MDN1: variants seen among roughly 807,000 people sequenced by gnomAD.
MDN1 encodes the protein midasin.
Under a neutral mutation model 669.2 loss-of-function variants are expected in MDN1, and 266 were observed. The ratio of observed to expected loss-of-function variants is 0.40; its 90% CI spans 0.36 to 0.44. The LOEUF (loss-of-function observed/expected upper bound fraction) is 0.44, where lower values mean the gene tolerates loss of function less well. MDN1 is among the 20% of genes least tolerant of loss of function. The probability of loss-of-function intolerance (pLI) is 1.00; values close to 1 mark genes in which losing one functional copy is unlikely to be tolerated. For synonymous variants in MDN1, 2,385 were observed against 2,457.1 expected, an observed-to-expected ratio of 0.97 and a Z score of 0.87; for missense variants, 5,940 against 6,754.0, an observed-to-expected ratio of 0.88 and a Z score of 4.22.
chr6:89,679,118 T>C (rs1441826657), intron 74 of MDN1, among the ~76,000 whole-genome samples: 2 of 152,196 alleles, frequency 1.3e-5, no homozygotes, highest in Non-Finnish European at 2.9e-5. Flanking sequence ...TTGAAGGAAA[T>C]TTCAGATTAA....
Position 89,714,793 on chromosome 6 carries a change from C to T in MDN1, c.6861-42G>A, listed in dbSNP as rs778476841. 12 of 1,525,330 alleles carry T rather than the reference C, an allele frequency of 7.9e-6. No individual in the cohort carries two copies. In the East Asian group the frequency reaches 2.5e-4, roughly 32 times the overall value. The allele number at this position is 1,525,330 out of a possible 1,614,324, so 94.5% of individuals were successfully genotyped here. Reference sequence around the variant, plus strand: ...TCAAAGAAAAAAATGATTTTAAATCCCAGTGCAACCAAAGGTGTAGCTCAG... The same window carrying T: ...TCAAAGAAAAAAATGATTTTAAATCTCAGTGCAACCAAAGGTGTAGCTCAG... On this transcript the variant is annotated intron_variant, in intron 45 of 101. Coordinates refer to ENST00000369393, the MANE Select transcript of MDN1 (RefSeq NM_014611.3).
At chr6:89,746,036 A>G (rs1268257442) in intron 27 of MDN1, among the ~76,000 whole-genome samples, 1 of 152,242 alleles carries the variant, frequency 6.6e-6, no homozygotes, top group Non-Finnish European at 1.5e-5. Context: ...TGAATCTCAC[A>G]TCAGGTTTAG....
intron 82 of MDN1, among the ~76,000 whole-genome samples, chr6:89,671,541 G>T (rs1052528277): frequency 3.3e-5 from 5 of 152,048 alleles, no homozygotes; most frequent in Admixed American, 6.6e-5. Context: ...AAAATTAGCT[G>T]GGCATGGTGG....
chr6:89,699,098 C>T, intron 58 of MDN1, 63 bp from the exon 59 acceptor site: 1 of 1,394,086 alleles, frequency 7.2e-7, no homozygotes, highest in South Asian at 1.3e-5. Context: ...ATTATTAGGT[C>T]TTCTTTCTTC....
intron 92 of MDN1, among the ~76,000 whole-genome samples, chr6:89,655,456 T>A (rs1320568048): frequency 6.6e-6 from 1 of 152,178 alleles, no homozygotes; most frequent in Non-Finnish European, 1.5e-5. Flanking sequence ...TTAAGGATAT[T>A]TAAAGAGTTT....
chr6:89,676,118 A>G lies in MDN1; in HGVS notation c.12629T>C (p.Leu4210Pro). 6.2e-7 allele frequency: 1 copy of G among 1,614,166 alleles called. No individual in the cohort carries two copies. ...TCATTCTACCTTGGCAGGAGTTGCT[A>G]GTGCTGCGTTAAGCCTGGCATGCCG... ...LARHARLNAA[L>P]ATPAKEMGMG... Residue 4210 changes from leucine (L) to proline (P), a missense_variant, in exon 77 of 102, where the codon CTA becomes CCA. By Grantham distance (98) the Leu-to-Pro change is moderately conservative (BLOSUM62 -3). Around this residue, in one of 5 missense-constraint regions of MDN1, gnomAD observed 2,280 missense variants for 2,576.3 expected, o/e 0.88. Coordinates refer to ENST00000369393, the MANE Select transcript of MDN1 (RefSeq NM_014611.3).
intron 2 of MDN1, among the ~76,000 whole-genome samples, chr6:89,796,341 AAAAAAAAAAC>A (rs541733107): frequency 1.1e-4 from 12 of 110,228 alleles, no homozygotes; most frequent in South Asian, 5.4e-4. Flanking sequence ...AAAAAAAAAA[AAAAAAAAAAC>A]AAAAAAAAAA....
intron 82 of MDN1, among the ~76,000 whole-genome samples, chr6:89,671,430 T>C (rs1584142393): frequency 6.6e-6 from 1 of 151,240 alleles, no homozygotes; most frequent in Non-Finnish European, 1.5e-5. Context: ...AGCCCAGGAG[T>C]TCAAGTTCAT....
intron 9 of MDN1, among the ~76,000 whole-genome samples, chr6:89,782,006 T>C (rs1179535729): frequency 6.6e-6 from 1 of 151,880 alleles, no homozygotes; most frequent in Non-Finnish European, 1.5e-5. Flanking sequence ...AAAATAAAAA[T>C]GAAAAGAAAT....
chr6:89,667,957 A>G, intron 84 of MDN1, 57 bp downstream of exon 84: 1 of 1,591,412 alleles, frequency 6.3e-7, no homozygotes, highest in Non-Finnish European at 8.6e-7. Flanking sequence ...TGTAACTTAC[A>G]TGTTGAAAAG....
intron 93 of MDN1, among the ~76,000 whole-genome samples, 189 bp downstream of exon 93, chr6:89,653,975 C>T (rs1809067406): frequency 6.6e-6 from 1 of 152,216 alleles, no homozygotes; most frequent in South Asian, 2.1e-4. Context: ...TGTCCTGCAA[C>T]ACCCACCGCT....
At position 89,725,740 on chromosome 6, in the gene MDN1, C is replaced by CTTT. The variant is rs11371433; in HGVS notation, c.5473-347_5473-345dup. On this transcript the variant is annotated intron_variant, in intron 37 of 101. Coordinates refer to ENST00000369393, the MANE Select transcript of MDN1 (RefSeq NM_014611.3). The stretch of plus-strand genomic sequence containing the variant: ...TGTGCACCACCACATCCAGCTAATT[C>CTTT]TTTTTTTTTTTTTTTTGGTAGAGCC... Among the ~76,000 whole-genome samples the CTTT allele has an allele frequency of 2.9e-4, 40 of 137,230 alleles. 1 individual carries two copies. The highest frequency in any genetic ancestry group is 1.9e-3 in the South Asian group (8 of 4,298). 90.0% of individuals were successfully genotyped at this position (137,230 alleles called of 152,430 possible). A position where few individuals can be genotyped will look rare whatever the true frequency, so the allele number is the denominator to read the frequency against.
chr6:89,711,392 CG>C (rs1813905340), intron 49 of MDN1, among the ~76,000 whole-genome samples: 1 of 151,956 alleles, frequency 6.6e-6, no homozygotes, highest in South Asian at 2.1e-4. Flanking sequence ...TTTAAAACAA[CG>C]TACTACAACA....
At chr6:89,677,252 C>T (rs949822116) in intron 76 of MDN1, among the ~76,000 whole-genome samples, 2 of 152,062 alleles carry the variant, frequency 1.3e-5, no homozygotes, top group African/African-American at 4.8e-5. Context: ...GCCACCATGC[C>T]TGGCTAATAT....
At chr6:89,674,655 T>A in intron 78 of MDN1, 66 bp from the exon 79 acceptor site, 1 of 1,486,432 alleles carries the variant, frequency 6.7e-7, no homozygotes, top group Non-Finnish European at 8.9e-7. Flanking sequence ...CCACATTGTT[T>A]TAAAAGAAAT....
At position 89,674,267 on chromosome 6, in the gene MDN1, T is replaced by G. The variant is rs1811031399; in HGVS notation, c.13084A>C (p.Ile4362Leu). The G allele has an allele frequency of 6.2e-7, 1 of 1,614,126 alleles. No homozygotes were observed. The highest frequency in any genetic ancestry group is 1.3e-5 in the African/African-American group (1 of 74,938). The part of the protein sequence containing the change: ...IPSNLSYPSP[I>L]PGSQLPSGCR... Reference sequence around the variant, plus strand: ...CCAGAGGGCAGCTGACTTCCAGGTATTGGAGATGGGTAGCTCAGATTGGAA... The same window carrying G: ...CCAGAGGGCAGCTGACTTCCAGGTAGTGGAGATGGGTAGCTCAGATTGGAA... Residue 4362 changes from isoleucine (I) to leucine (L), a missense_variant, in exon 79 of 102, where the codon ATA (isoleucine) becomes CTA (leucine). Physicochemically the swap from Ile to Leu is conservative, Grantham distance 5. This residue lies in a region of MDN1 where 2,280 missense variants were observed against 2,576.3 expected (regional missense o/e 0.88). Transcript: ENST00000369393.
chr6:89,769,114 T>A (rs781216150), intron 15 of MDN1, among the ~76,000 whole-genome samples: 1 of 151,644 alleles, frequency 6.6e-6, no homozygotes, highest in Non-Finnish European at 1.5e-5. Flanking sequence ...ACTGGACACA[T>A]GCAAAATATA....
intron 84 of MDN1, among the ~76,000 whole-genome samples, chr6:89,665,405 G>A (rs1810119861): frequency 6.6e-6 from 1 of 151,826 alleles, no homozygotes; most frequent in African/African-American, 2.4e-5. Context: ...CATTATGGTT[G>A]ATTTTTGAAA....
At chr6:89,738,208 C>T (rs1816099054) in intron 33 of MDN1, 118 bp downstream of exon 33, 1 of 1,203,866 alleles carries the variant, frequency 8.3e-7, no homozygotes, top group African/African-American at 1.5e-5. Context: ...TACCTATCTC[C>T]TTTCTTCTTA....
Sources: gnomAD v4.1 joint callset for allele counts (sites outside exome capture counted in the v4.1 genomes callset) on GRCh38, gnomAD v4.1.1 for gene constraint, gnomAD v4.1.1 regional missense constraint, MANE v1.5 for transcripts, NCBI Gene and HGNC (gene_info 2026-07-23, HGNC 2026-07-21) for gene names.